The following PARG variants were observed in gnomAD, a reference collection of about 807,000 sequenced individuals.
PARG encodes mitochondrial poly(ADP-ribose) glycohydrolase.
A neutral mutation model predicts 113.0 loss-of-function variants in PARG; 35 were observed. The observed-to-expected ratio is 0.31, with a 90% CI of 0.24 to 0.41. PARG has a LOEUF of 0.41. PARG is among the 10% of genes least tolerant of loss of function. The probability of loss-of-function intolerance (pLI) is 1.00; values close to 1 mark genes in which losing one functional copy is unlikely to be tolerated. For missense variants in PARG, 797 were observed against 1,169.4 expected (o/e 0.68, Z 4.64); for synonymous variants, 330 against 409.9 (o/e 0.81, Z 2.36).
intron 8 of PARG, among the ~76,000 whole-genome samples, chr10:49,883,887 G>A (rs1314826272): frequency 1.4e-5 from 2 of 147,986 alleles, no homozygotes; most frequent in African/African-American, 4.9e-5. Flanking sequence ...AAAAACAGCA[G>A]AAGTGATGCT....
intron 7 of PARG, among the ~76,000 whole-genome samples, chr10:49,893,435 G>GTAGT (rs1847910990): frequency 6.6e-6 from 1 of 152,084 alleles, no homozygotes; most frequent in Non-Finnish European, 1.5e-5. Flanking sequence ...TTTTTCAATT[G>GTAGT]TAGTTCTTTA....
chr10:49,937,283 T>C (rs2132998641), intron 1 of PARG, among the ~76,000 whole-genome samples: 1 of 152,326 alleles, frequency 6.6e-6, no homozygotes, highest in South Asian at 2.1e-4. Flanking sequence ...GAGACCATCC[T>C]GGCTAACATG....
intron 1 of PARG, among the ~76,000 whole-genome samples, chr10:49,939,656 A>G (rs1237777245): frequency 1.3e-5 from 2 of 152,214 alleles, no homozygotes; most frequent in African/African-American, 2.4e-5. Flanking sequence ...GAGTTTCTTC[A>G]TAAGCTCCTG....
chr10:49,912,738 G>A (rs535679357), intron 7 of PARG, among the ~76,000 whole-genome samples: 11 of 152,306 alleles, frequency 7.2e-5, no homozygotes, highest in East Asian at 3.9e-4. Flanking sequence ...GCTGAGGAGC[G>A]AAGATTGCTT....
chr10:49,918,488 C>A (rs1837625213), intron 6 of PARG, among the ~76,000 whole-genome samples: 1 of 152,206 alleles, frequency 6.6e-6, no homozygotes, highest in South Asian at 2.1e-4. Flanking sequence ...CTTGAGTTAT[C>A]AACGACTGAA....
At chr10:49,819,780 C>T (rs1351965455) in intron 17 of PARG, among the ~76,000 whole-genome samples, 4 of 152,212 alleles carry the variant, frequency 2.6e-5, no homozygotes, top group African/African-American at 9.7e-5. Context: ...CCTCGTTATA[C>T]ACTTTGCTCC....
At chr10:49,887,980 C>T (rs1847579758) in intron 7 of PARG, among the ~76,000 whole-genome samples, 1 of 152,062 alleles carries the variant, frequency 6.6e-6, no homozygotes, top group Admixed American at 6.5e-5. Flanking sequence ...GTTACTTGAA[C>T]ATAGTTTAAA....
chr10:49,916,082 A>G (rs538274188), intron 6 of PARG, 91 bp from the exon 7 acceptor site: 44 of 730,324 alleles, frequency 6.0e-5, no homozygotes, highest in South Asian at 6.0e-4. Context: ...CCTCCAGTAC[A>G]TTTCATAATG....
intron 16 of PARG, among the ~76,000 whole-genome samples, chr10:49,820,513 G>A (rs1351062134): frequency 6.6e-6 from 1 of 152,044 alleles, no homozygotes; most frequent in East Asian, 1.9e-4. Flanking sequence ...CCTGAGACCA[G>A]GAGTTCGAGA....
intron 4 of PARG, among the ~76,000 whole-genome samples, chr10:49,930,485 T>A (rs1311712156): frequency 1.3e-5 from 2 of 152,214 alleles, no homozygotes; most frequent in Non-Finnish European, 2.9e-5. Flanking sequence ...CCCTGTGATA[T>A]GAACCCAATC....
intron 13 of PARG, among the ~76,000 whole-genome samples, chr10:49,856,655 A>G (rs1554835091): frequency 2.0e-5 from 3 of 152,200 alleles, no homozygotes; most frequent in Non-Finnish European, 2.9e-5. Flanking sequence ...TGGAAGAATT[A>G]CAACAGAATA....
intron 13 of PARG, among the ~76,000 whole-genome samples, chr10:49,852,592 TCTCA>T (rs1255684872): frequency 6.9e-6 from 1 of 145,620 alleles, no homozygotes; most frequent in Non-Finnish European, 1.5e-5. Flanking sequence ...TGAGACGGAG[TCTCA>T]CTCTGTCACT....
Position 49,819,212 on chromosome 10 carries a change from G to A in PARG, c.*128C>T, listed in dbSNP as rs368543565. 8.2e-6 allele frequency: 6 copies of A among 728,914 alleles called. No homozygotes were observed. The highest frequency in any genetic ancestry group is 2.1e-5 in the South Asian group (1 of 48,268). 45.2% of individuals were successfully genotyped at this position (728,914 alleles called of 1,614,324 possible). On this transcript the variant is annotated 3_prime_UTR_variant, in exon 18 of 18. Coordinates refer to ENST00000616448, the MANE Select transcript of PARG (RefSeq NM_003631.5). Reference sequence around the variant, plus strand: ...ACTGCACATGTGTGGAAGAGATTGCGTCCTTGACTACAAATGTGGATTATG... The same window carrying A: ...ACTGCACATGTGTGGAAGAGATTGCATCCTTGACTACAAATGTGGATTATG...
At chr10:49,865,965 C>T (rs1290449858) in intron 10 of PARG, among the ~76,000 whole-genome samples, 9 of 148,376 alleles carry the variant, frequency 6.1e-5, no homozygotes, top group South Asian at 2.2e-4. Context: ...AATCACTCTA[C>T]TTGTTAGTAG....
chr10:49,822,879 C>T (rs1000896909), intron 16 of PARG, among the ~76,000 whole-genome samples: 3 of 152,068 alleles, frequency 2.0e-5, no homozygotes, highest in African/African-American at 4.8e-5. Context: ...ACTCAAAGAA[C>T]GTTGTATTCT....
intron 16 of PARG, among the ~76,000 whole-genome samples, chr10:49,829,730 T>C (rs575753795): frequency 2.0e-5 from 3 of 152,292 alleles, no homozygotes; most frequent in East Asian, 1.9e-4. Flanking sequence ...CAGATGAACA[T>C]AGAGAACTGC....
At chr10:49,848,780 C>G (rs1263178435) in intron 13 of PARG, among the ~76,000 whole-genome samples, 1 of 152,100 alleles carries the variant, frequency 6.6e-6, no homozygotes, top group African/African-American at 2.4e-5. Context: ...ATTTTAAAAA[C>G]TTACAACAGC....
intron 13 of PARG, among the ~76,000 whole-genome samples, chr10:49,848,812 C>T (rs61846901): frequency 0.23 from 34,516 of 151,956 alleles, 4,760 homozygotes; most frequent in Non-Finnish European, 0.32. Flanking sequence ...GAAATGCTTA[C>T]GGATAAATCT....
chr10:49,854,822 A>G (rs189858010), intron 13 of PARG, among the ~76,000 whole-genome samples: 8,861 of 150,012 alleles, frequency 0.059, 349 homozygotes, highest in African/African-American at 0.092. Context: ...CACAGACATC[A>G]CAAAATTAGT....
Sources: allele counts gnomAD v4.1 joint callset (sites outside exome capture counted in the v4.1 genomes callset), GRCh38; gene constraint gnomAD v4.1.1; transcripts MANE v1.5; gene names NCBI Gene and HGNC (gene_info 2026-07-23, HGNC 2026-07-21).